The following NAV3 variants were observed in gnomAD, a reference collection of about 807,000 sequenced individuals.
NAV3 encodes neuron navigator 3, also known as pore membrane and/or filament interacting like protein 1.
A neutral mutation model predicts 244.7 loss-of-function variants in NAV3; 87 were observed. That is an observed-to-expected ratio of 0.36 (90% CI 0.30 to 0.42). NAV3 has a LOEUF of 0.42. NAV3 is among the 20% of genes least tolerant of loss of function. The pLI, the probability that NAV3 is intolerant of heterozygous loss-of-function variation, is 1.00. For missense variants in NAV3, 2,663 were observed against 2,893.3 expected (o/e 0.92, Z 1.83); for synonymous variants, 1,126 against 1,042.2 (o/e 1.08, Z -1.55).
At chr12:78,067,219 T>A (rs1485340391) in intron 12 of NAV3, among the ~76,000 whole-genome samples, 1 of 152,090 alleles carries the variant, frequency 6.6e-6, no homozygotes, top group Admixed American at 6.6e-5. Flanking sequence ...TACTCCCATG[T>A]CTTAACTATT....
intron 1 of NAV3, among the ~76,000 whole-genome samples, chr12:77,881,192 A>G (rs1882595605): frequency 6.6e-6 from 1 of 152,136 alleles, no homozygotes; most frequent in Admixed American, 6.6e-5. Context: ...ATGATATAAG[A>G]ATTTATTATG....
chr12:77,953,028 A>G (rs1434916342), intron 3 of NAV3, among the ~76,000 whole-genome samples: 6 of 152,176 alleles, frequency 3.9e-5, no homozygotes, highest in East Asian at 1.9e-4. Context: ...ATTAAAAAAC[A>G]AAAGAATATA....
chr12:77,729,347 G>A (rs1877021438), intron 2 of NAV3, among the ~76,000 whole-genome samples: 1 of 151,954 alleles, frequency 6.6e-6, no homozygotes, highest in Admixed American at 6.6e-5. Flanking sequence ...TGGCAAGGAA[G>A]GCATAGAAGC....
chr12:77,636,956 C>T (rs1872184594), intron 2 of NAV3, among the ~76,000 whole-genome samples: 1 of 151,788 alleles, frequency 6.6e-6, no homozygotes, highest in Non-Finnish European at 1.5e-5. Context: ...CACATGGACA[C>T]AGGGAGGGGA....
At chr12:78,042,359 T>C (rs770112) in intron 9 of NAV3, among the ~76,000 whole-genome samples, 9,335 of 152,294 alleles carry the variant, frequency 0.061, 373 homozygotes, top group Non-Finnish European at 0.087. Context: ...TGGGTTTAGA[T>C]GCCTAGGAAT....
chr12:78,121,392 G>A (rs2694834), intron 15 of NAV3, among the ~76,000 whole-genome samples: 40,933 of 151,970 alleles, frequency 0.27, 5,815 homozygotes, highest in Non-Finnish European at 0.3. Context: ...TGCCGACAAT[G>A]TCAATATTGT....
chr12:78,170,097 T>A (rs1436457929), intron 24 of NAV3, among the ~76,000 whole-genome samples: 1 of 151,730 alleles, frequency 6.6e-6, no homozygotes, highest in Non-Finnish European at 1.5e-5. Context: ...AACTGTCAAA[T>A]CTAGGTCTCC....
intron 1 of NAV3, among the ~76,000 whole-genome samples, chr12:77,874,806 T>A (rs1881608030): frequency 6.6e-6 from 1 of 152,276 alleles, no homozygotes; most frequent in Non-Finnish European, 1.5e-5. Context: ...TATGTTATTA[T>A]AATGAATCAA....
chr12:77,651,679 T>A lies in NAV3; in HGVS notation c.72+79413T>A, dbSNP rs138470289. ...ATTGGAATTTTAGCCAAGCTGGTGG[T>A]TATTATTTTTTAGTCTACGTCAGTT... On this transcript the variant is annotated intron_variant, in intron 2 of 8. Coordinates refer to the NAV3 transcript ENST00000550042. Among the ~76,000 whole-genome samples the A allele has an allele frequency of 2.6e-5, 4 of 152,302 alleles. No individual in the cohort carries two copies. The East Asian group carries it at 7.7e-4, about 29-fold the overall frequency.
intron 2 of NAV3, among the ~76,000 whole-genome samples, chr12:77,677,823 C>T (rs74751749): frequency 0.033 from 5,030 of 152,196 alleles, 105 homozygotes; most frequent in Middle Eastern, 0.054. Flanking sequence ...AAATACATTG[C>T]GCTGTTCAAA....
intron 2 of NAV3, among the ~76,000 whole-genome samples, chr12:77,660,948 A>G (rs913408079): frequency 6.6e-5 from 10 of 152,174 alleles, no homozygotes; most frequent in Non-Finnish European, 8.8e-5. Flanking sequence ...GCTGAATAGT[A>G]TTCCATTGTC....
At chr12:77,795,805 C>T (rs1235198120) in intron 2 of NAV3, among the ~76,000 whole-genome samples, 1 of 152,144 alleles carries the variant, frequency 6.6e-6, no homozygotes, top group African/African-American at 2.4e-5. Flanking sequence ...ATCTACTCTG[C>T]CTGTGCTCTA....
chr12:78,187,585 T>C (rs1304360675), intron 31 of NAV3, among the ~76,000 whole-genome samples: 2 of 151,922 alleles, frequency 1.3e-5, no homozygotes, highest in African/African-American at 4.8e-5. Context: ...TTGGAACCAT[T>C]ATGTTTATTA....
intron 12 of NAV3, among the ~76,000 whole-genome samples, chr12:78,102,401 G>T (rs997711299): frequency 3.3e-5 from 5 of 152,350 alleles, no homozygotes; most frequent in Non-Finnish European, 7.3e-5. Context: ...TGGCAGCTCT[G>T]CCCCTGTGGC....
intron 8 of NAV3, among the ~76,000 whole-genome samples, chr12:78,016,522 A>G (rs1876243985): frequency 6.6e-6 from 1 of 152,086 alleles, no homozygotes; most frequent in East Asian, 1.9e-4. Context: ...CTTCTGTTCA[A>G]CCCAACAGTT....
rs764643982 is a variant in NAV3, at chr12:78,122,112, A to G, written c.3922A>G (p.Ser1308Gly). 1 of 1,614,182 alleles carries G rather than the reference A, an allele frequency of 6.2e-7. No individual in the cohort carries two copies. Among genetic ancestry groups the G allele is most frequent in the Non-Finnish European group, 8.5e-7 (1 of 1,180,036 alleles). ...CAGTGCTGGTGGGCTAAGCGGCAGCAGCAGCCCTCTCTTCAATAAACCCTC... is the reference window on the plus strand; with the variant it reads ...CAGTGCTGGTGGGCTAAGCGGCAGCGGCAGCCCTCTCTTCAATAAACCCTC... ...MGSAGGLSGSSSPLFNKPSDL... is the reference protein window; with the variant it reads ...MGSAGGLSGSGSPLFNKPSDL... The change falls in exon 16 of 40, where the codon AGC becomes GGC. Residue 1308 changes from serine to glycine, a missense_variant. Around this residue, in one of 6 missense-constraint regions of NAV3, gnomAD observed 354 missense variants for 413.0 expected, o/e 0.86. Coordinates refer to ENST00000397909, the MANE Select transcript of NAV3 (RefSeq NM_001024383.2).
At chr12:77,915,445 G>A (rs929852203) in intron 1 of NAV3, among the ~76,000 whole-genome samples, 3 of 152,048 alleles carry the variant, frequency 2.0e-5, no homozygotes, top group Admixed American at 6.6e-5. Flanking sequence ...AATAACAGAT[G>A]TAGAGATTAT....
rs74107142 is a variant in NAV3 at position 78,150,977 on chromosome 12, A to G, written c.4785+2058A>G. Among the ~76,000 whole-genome samples, 476 of 152,170 alleles carry G rather than the reference A, an allele frequency of 3.1e-3. 3 individuals carry two copies. The highest frequency in any genetic ancestry group is 0.011 in the African/African-American group (438 of 41,542). ...GATAATACATAACTGAACATCCAGC[A>G]TATCTGTGGCTTTAAAATATCACGA... On this transcript the variant is annotated intron_variant, in intron 22 of 39. Transcript: ENST00000397909.
At chr12:78,016,525 C>G (rs1321128111) in intron 8 of NAV3, among the ~76,000 whole-genome samples, 1 of 152,138 alleles carries the variant, frequency 6.6e-6, no homozygotes, top group Non-Finnish European at 1.5e-5. Context: ...CTGTTCAACC[C>G]AACAGTTTCC....
Sources: allele counts gnomAD v4.1 joint callset (sites outside exome capture counted in the v4.1 genomes callset), GRCh38; gene constraint gnomAD v4.1.1; regional missense constraint gnomAD v4.1.1; transcripts MANE v1.5; gene names NCBI Gene and HGNC (gene_info 2026-07-23, HGNC 2026-07-21).